Variants in FAT3 observed in about 807,000 individuals in gnomAD.
FAT3 encodes the protein protocadherin Fat 3.
A neutral mutation model predicts 310.2 loss-of-function variants in FAT3; 95 were observed. The observed-to-expected ratio is 0.31, with a 90% CI of 0.26 to 0.36. FAT3 has a LOEUF of 0.36. Ranked by LOEUF, FAT3 falls within the 10% of genes least tolerant of loss-of-function variation. The pLI, the probability that FAT3 is intolerant of heterozygous loss-of-function variation, is 1.00. For missense variants in FAT3, 5,408 were observed against 5,715.6 expected (o/e 0.95, Z 1.74); for synonymous variants, 2,314 against 2,192.9 (o/e 1.06, Z -1.54).
intron 1 of FAT3, among the ~76,000 whole-genome samples, chr11:92,285,961 G>A (rs1420034944): frequency 6.6e-6 from 1 of 152,062 alleles, no homozygotes; most frequent in East Asian, 1.9e-4. Flanking sequence ...CAGGCAGTGG[G>A]CACACAGCTT....
At chr11:92,449,551 G>A (rs1301234699) in intron 2 of FAT3, among the ~76,000 whole-genome samples, 1 of 152,144 alleles carries the variant, frequency 6.6e-6, no homozygotes, top group East Asian at 1.9e-4. Flanking sequence ...TCAAGTGTTG[G>A]GGAGAGGCCA....
chr11:92,706,611 G>C (rs1367866665), intron 4 of FAT3, among the ~76,000 whole-genome samples: 2 of 151,790 alleles, frequency 1.3e-5, no homozygotes, highest in African/African-American at 4.8e-5. Context: ...TTAAAACACT[G>C]TCAGCCAACG....
chr11:92,697,257 C>A, intron 3 of FAT3, 127 bp from the exon 4 acceptor site: 1 of 670,330 alleles, frequency 1.5e-6, no homozygotes, highest in Non-Finnish European at 2.6e-6. Context: ...TTCTGATTGT[C>A]ATGGGGGATT....
chr11:92,515,833 A>T (rs1165329336), intron 2 of FAT3, among the ~76,000 whole-genome samples: 3 of 152,148 alleles, frequency 2.0e-5, no homozygotes, highest in Non-Finnish European at 4.4e-5. Context: ...GAAAGTCATG[A>T]TAGTGATGAT....
intron 2 of FAT3, among the ~76,000 whole-genome samples, chr11:92,486,065 A>G (rs565398): frequency 0.55 from 82,037 of 149,674 alleles, 23,075 homozygotes; most frequent in East Asian, 0.7. Flanking sequence ...ATATGGGAAA[A>G]ATATGAATAA....
chr11:92,412,740 T>TACATACAC (rs1406550603), intron 2 of FAT3, among the ~76,000 whole-genome samples: 1 of 76,384 alleles, frequency 1.3e-5, no homozygotes, highest in African/African-American at 9.4e-5. Context: ...TATATATATA[T>TACATACAC]ATATAAATAT....
intron 3 of FAT3, among the ~76,000 whole-genome samples, chr11:92,612,368 T>C (rs1940606186): frequency 1.3e-5 from 2 of 152,228 alleles, no homozygotes. Context: ...GGTAGATTTT[T>C]TTCTCAATTA....
At chr11:92,644,492 C>A (rs543195541) in intron 3 of FAT3, among the ~76,000 whole-genome samples, 1 of 152,170 alleles carries the variant, frequency 6.6e-6, no homozygotes, top group South Asian at 2.1e-4. Context: ...CCCCGCCCCC[C>A]CGATAACTCT....
At chr11:92,579,596 A>G (rs974010657) in intron 3 of FAT3, among the ~76,000 whole-genome samples, 2 of 152,082 alleles carry the variant, frequency 1.3e-5, no homozygotes, top group African/African-American at 2.4e-5. Flanking sequence ...CAATATGTGA[A>G]GTCTATCCCT....
intron 2 of FAT3, among the ~76,000 whole-genome samples, chr11:92,411,728 C>T (rs1160176163): frequency 6.6e-6 from 1 of 151,726 alleles, no homozygotes; most frequent in Middle Eastern, 3.2e-3. Flanking sequence ...TTAGTGCCTC[C>T]AACTCTTACA....
chr11:92,728,441 G>A (rs1290038521), intron 4 of FAT3, among the ~76,000 whole-genome samples: 1 of 152,166 alleles, frequency 6.6e-6, no homozygotes, highest in Non-Finnish European at 1.5e-5. Flanking sequence ...TGCTTGCAGT[G>A]TTTACAAAGA....
At chr11:92,481,932 GAAAATTAAAGTTTCCTTTAATTT>G (rs1952236882) in intron 2 of FAT3, among the ~76,000 whole-genome samples, 1 of 152,034 alleles carries the variant, frequency 6.6e-6, no homozygotes, top group African/African-American at 2.4e-5. Flanking sequence ...GTATAATTTA[GAAAATTAAAGTTTCCTTTAATTT>G]TACTCCATAG....
chr11:92,891,064 C>A lies in FAT3; in HGVS notation c.13721C>A (p.Ala4574Asp), dbSNP rs540990852. 13 of 1,613,704 alleles carry A rather than the reference C, an allele frequency of 8.1e-6. No homozygotes were observed. The African/African-American group carries it at 1.6e-4, about 20-fold the overall frequency. ...GAGAGCGTGGGAGAGCTCAGCCTCG[C>A]CAGCCTTCACATTCCCTTTGTGGAG... ...DYESVGELSL[A>D]SLHIPFVETQ... The change falls in exon 28 of 28, where the codon GCC (alanine) becomes GAC (aspartate). Residue 4574 changes from alanine (A) to aspartate (D), a missense_variant. By Grantham distance (126) the Ala-to-Asp change is moderately radical. Coordinates refer to ENST00000525166, the MANE Select transcript of FAT3 (RefSeq NM_001367949.2).
At position 92,890,531 on chromosome 11, in the gene FAT3, C is replaced by T. The variant is rs371131255; in HGVS notation, c.13188C>T (p.Arg4396=). The change falls in exon 28 of 28, where the codon CGC becomes CGT. Residue 4396 remains arginine, a synonymous_variant. Coordinates refer to ENST00000525166, the MANE Select transcript of FAT3 (RefSeq NM_001367949.2). ...CCTCTGATTGGATGCCAGGGGCCCG[C>T]CTGTCGGACATAGAGGAAGTGCCCA... ...WDTSDWMPGA[R]LSDIEEVPNY... 6 of 1,613,630 alleles carry T rather than the reference C, an allele frequency of 3.7e-6. No homozygotes were observed. Among genetic ancestry groups the T allele is most frequent in the Non-Finnish European group, 5.1e-6 (6 of 1,179,806 alleles).
chr11:92,701,241 C>G (rs1436472691), intron 4 of FAT3, among the ~76,000 whole-genome samples: 2 of 152,110 alleles, frequency 1.3e-5, no homozygotes, highest in Non-Finnish European at 2.9e-5. Flanking sequence ...AATAGATAAC[C>G]AGGAGGACAT....
intron 2 of FAT3, 103 bp downstream of exon 2, chr11:92,355,507 G>GCAACCTCATTTGTC: frequency 8.3e-7 from 1 of 1,205,556 alleles, no homozygotes; most frequent in Non-Finnish European, 1.2e-6. Context: ...AATGACAAAT[G>GCAACCTCATTTGTC]AGGTTGCATT....
chr11:92,407,258 G>GT (rs1364145349), intron 2 of FAT3, among the ~76,000 whole-genome samples: 10 of 152,008 alleles, frequency 6.6e-5, no homozygotes, highest in Non-Finnish European at 1.2e-4. Context: ...GAGAGAATGA[G>GT]TTTTTTTTAT....
intron 2 of FAT3, among the ~76,000 whole-genome samples, chr11:92,476,991 G>A (rs979564486): frequency 1.3e-5 from 2 of 152,158 alleles, no homozygotes; most frequent in Admixed American, 1.3e-4. Flanking sequence ...AGAAGCCAAT[G>A]GTGGTAATGG....
chr11:92,775,314 G>T (rs962193519), intron 7 of FAT3, among the ~76,000 whole-genome samples: 5 of 152,190 alleles, frequency 3.3e-5, no homozygotes, highest in African/African-American at 1.2e-4. Context: ...TGTTTGCCTA[G>T]CCAGCTGCCT....
Sources: gnomAD v4.1 joint callset for allele counts (sites outside exome capture counted in the v4.1 genomes callset) on GRCh38, gnomAD v4.1.1 for gene constraint, MANE v1.5 for transcripts, NCBI Gene and HGNC (gene_info 2026-07-23, HGNC 2026-07-21) for gene names.